Variants in GALNT13 observed in about 807,000 individuals in gnomAD.
GALNT13 encodes UDP-GalNAc:polypeptide N-acetylgalactosaminyltransferase 13.
A neutral mutation model predicts 64.2 loss-of-function variants in GALNT13; 28 were observed. The ratio of observed to expected loss-of-function variants is 0.44; its 90% CI spans 0.32 to 0.60. The LOEUF (loss-of-function observed/expected upper bound fraction) is 0.60. Among genes scored for constraint, GALNT13 ranks in the 20% least tolerant of loss-of-function variants. The pLI, the probability that GALNT13 is intolerant of heterozygous loss-of-function variation, is 0.05. For synonymous variants in GALNT13, 214 were observed against 224.6 expected (o/e 0.95, Z 0.42); for missense variants, 577 against 669.8 (o/e 0.86, Z 1.53).
intron 2 of GALNT13, among the ~76,000 whole-genome samples, chr2:153,919,198 T>C (rs1689592588): frequency 6.6e-6 from 1 of 152,044 alleles, no homozygotes; most frequent in Non-Finnish European, 1.5e-5. Flanking sequence ...TATGGCACCC[T>C]CATTTTCTAT....
At chr2:153,687,513 T>G in the GALNT13 span, among the ~76,000 whole-genome samples, 2 of 151,980 alleles carry the variant, frequency 1.3e-5, no homozygotes, top group Non-Finnish European at 2.9e-5. Context: ...TTTCTGATTG[T>G]GTTTATTTGA....
intron 3 of GALNT13, among the ~76,000 whole-genome samples, chr2:153,948,713 A>T: frequency 6.6e-6 from 1 of 152,172 alleles, no homozygotes; most frequent in Non-Finnish European, 1.5e-5. Flanking sequence ...AGGGACGTGG[A>T]TGGAGCTGGA....
the GALNT13 span, among the ~76,000 whole-genome samples, chr2:153,802,381 T>G: frequency 6.6e-6 from 1 of 152,200 alleles, no homozygotes; most frequent in African/African-American, 2.4e-5. Context: ...TGATCTCTCA[T>G]TTTAGGATAT....
intron 3 of GALNT13, among the ~76,000 whole-genome samples, chr2:154,045,002 G>A (rs1229592418): frequency 6.6e-6 from 1 of 152,100 alleles, no homozygotes; most frequent in East Asian, 1.9e-4. Flanking sequence ...CAGTACCAGG[G>A]AAAAACAGAG....
chr2:153,464,868 TAAA>T, the GALNT13 span, among the ~76,000 whole-genome samples: 2 of 152,018 alleles, frequency 1.3e-5, no homozygotes. Context: ...TAAAAAATAA[TAAA>T]AAGCAGGTGA....
chr2:154,061,661 A>T (rs954727152), intron 3 of GALNT13, among the ~76,000 whole-genome samples: 1 of 152,158 alleles, frequency 6.6e-6, no homozygotes, highest in Non-Finnish European at 1.5e-5. Context: ...AACCATATCA[A>T]CATTTCTAGC....
At chr2:154,262,689 G>A (rs1690763716) in intron 8 of GALNT13, among the ~76,000 whole-genome samples, 1 of 152,032 alleles carries the variant, frequency 6.6e-6, no homozygotes, top group African/African-American at 2.4e-5. Flanking sequence ...TGCTCTTATG[G>A]AACTTAGATT....
chr2:153,846,327 T>C, the GALNT13 span, among the ~76,000 whole-genome samples: 1 of 152,024 alleles, frequency 6.6e-6, no homozygotes, highest in African/African-American at 2.4e-5. Context: ...AAGCGAGAAA[T>C]GTTTCCCAAA....
At chr2:154,399,727 T>C (rs984379326) in intron 10 of GALNT13, among the ~76,000 whole-genome samples, 1 of 152,128 alleles carries the variant, frequency 6.6e-6, no homozygotes, top group Non-Finnish European at 1.5e-5. Flanking sequence ...TCAGACCATA[T>C]CAAACTAAAC....
At chr2:153,637,471 T>C in the GALNT13 span, among the ~76,000 whole-genome samples, 1 of 152,138 alleles carries the variant, frequency 6.6e-6, no homozygotes, top group Non-Finnish European at 1.5e-5. Context: ...TAAACCTCTC[T>C]AGATAGTAGG....
At chr2:154,225,502 A>G (rs1688568450) in intron 4 of GALNT13, among the ~76,000 whole-genome samples, 1 of 152,038 alleles carries the variant, frequency 6.6e-6, no homozygotes, top group Admixed American at 6.6e-5. Context: ...CTAGGAATTT[A>G]CCCTCAAGAT....
chr2:153,784,751 A>G, the GALNT13 span, among the ~76,000 whole-genome samples: 4 of 152,130 alleles, frequency 2.6e-5, no homozygotes, highest in African/African-American at 9.7e-5. Flanking sequence ...CACTTCCACA[A>G]CACCTCGCAG....
At chr2:153,272,151 TA>T in the GALNT13 span, among the ~76,000 whole-genome samples, 51 of 152,086 alleles carry the variant, frequency 3.4e-4, no homozygotes, top group Admixed American at 2.9e-3. Flanking sequence ...CCTAAAACCA[TA>T]AAAACCCTAG....
the GALNT13 span, among the ~76,000 whole-genome samples, chr2:153,135,008 G>A: frequency 6.6e-6 from 1 of 152,206 alleles, no homozygotes; most frequent in South Asian, 2.1e-4. Context: ...AGTCAACCCA[G>A]GCTGTAACAA....
intron 10 of GALNT13, among the ~76,000 whole-genome samples, chr2:154,402,699 G>T (rs1465506575): frequency 6.6e-6 from 1 of 152,148 alleles, no homozygotes; most frequent in Admixed American, 6.5e-5. Flanking sequence ...TTAGTTGTTG[G>T]TTGCTTTGAT....
At chr2:153,454,106 A>G in the GALNT13 span, among the ~76,000 whole-genome samples, 2 of 152,168 alleles carry the variant, frequency 1.3e-5, no homozygotes, top group Non-Finnish European at 2.9e-5. Context: ...AACTGACACT[A>G]TTAGAGGGGT....
At chr2:154,395,921 G>A in intron 9 of GALNT13, 70 bp from the exon 10 acceptor site, 1 of 1,338,724 alleles carries the variant, frequency 7.5e-7, no homozygotes, top group Non-Finnish European at 9.9e-7. Flanking sequence ...TGATAGCAAA[G>A]TAAATGTAGT....
chr2:153,293,937 C>G, the GALNT13 span, among the ~76,000 whole-genome samples: 2 of 152,064 alleles, frequency 1.3e-5, no homozygotes, highest in Non-Finnish European at 2.9e-5. Flanking sequence ...CCACCTCAGC[C>G]TCCTGAGTAG....
the GALNT13 span, among the ~76,000 whole-genome samples, chr2:153,539,259 T>G: frequency 6.6e-6 from 1 of 152,100 alleles, no homozygotes; most frequent in Non-Finnish European, 1.5e-5. Context: ...TTCTTGTAAA[T>G]TTGTTTGAGT....
Sources: allele counts gnomAD v4.1 joint callset (sites outside exome capture counted in the v4.1 genomes callset), GRCh38; gene constraint gnomAD v4.1.1; transcripts MANE v1.5; gene names NCBI Gene and HGNC (gene_info 2026-07-23, HGNC 2026-07-21).